Variants in SEC31B observed in about 807,000 individuals in gnomAD.
The protein encoded by SEC31B is SEC31 homolog B, COPII component.
In SEC31B, 113 loss-of-function variants were observed where a neutral mutation model predicts 135.0. The ratio of observed to expected loss-of-function variants is 0.84; its 90% CI spans 0.72 to 0.98. The LOEUF (loss-of-function observed/expected upper bound fraction) is 0.98. Ranked by LOEUF, SEC31B falls within the 50% of genes least tolerant of loss-of-function variation. The pLI is 0.00. For missense variants in SEC31B, 1,296 were observed against 1,421.1 expected, an observed-to-expected ratio of 0.91 and a Z score of 1.42; for synonymous variants, 508 against 549.4, an observed-to-expected ratio of 0.92 and a Z score of 1.05.
At chr10:100,495,249 A>C in intron 19 of SEC31B, 136 bp downstream of exon 19, 1 of 848,730 alleles carries the variant, frequency 1.2e-6, no homozygotes, top group Middle Eastern at 3.4e-4. Context: ...GTTATTTATT[A>C]TAAAAAGAAC....
chr10:100,489,808 C>T, intron 21 of SEC31B, 47 bp from the exon 22 acceptor site: 2 of 1,612,538 alleles, frequency 1.2e-6, no homozygotes, highest in South Asian at 2.2e-5. Context: ...GTGAAAAACA[C>T]TGGAAGTTTT....
At chr10:100,517,156 C>A in intron 1 of SEC31B, 159 bp from the exon 2 acceptor site, 1 of 581,374 alleles carries the variant, frequency 1.7e-6, no homozygotes, top group Non-Finnish European at 3.1e-6. Context: ...TTCATTCACC[C>A]AATTACTGAA....
At chr10:100,490,930 T>C in intron 19 of SEC31B, 47 bp from the exon 20 acceptor site, 1 of 1,295,074 alleles carries the variant, frequency 7.7e-7, no homozygotes, top group Non-Finnish European at 1.0e-6. Flanking sequence ...AAGAGAAAGG[T>C]AAATAATAGA....
chr10:100,509,449 A>G lies in SEC31B; in HGVS notation c.266T>C (p.Val89Ala), dbSNP rs3763695. 0.22 allele frequency: 347,588 copies of G among 1,613,696 alleles called. 38,253 individuals carry two copies. The highest frequency in any genetic ancestry group is 0.23 in the South Asian group (20,873 of 91,064). Reference protein sequence around the residue: ...SGLLESSGVIVGGGDNGMLIL... With the variant: ...SGLLESSGVIAGGGDNGMLIL... ...AAGCATGCCATTGTCCCCGCCGCCA[A>G]CAATAACCCCGGAGCTTTCCAGAAG... Residue 89 changes from valine to alanine, a missense_variant, in exon 4 of 26, where the codon GTT becomes GCT. Val to Ala is a moderately conservative substitution (Grantham distance 64). Transcript: ENST00000370345.
At chr10:100,498,838 G>C (rs758259683) in intron 13 of SEC31B, 34 bp from the exon 14 acceptor site, 1 of 1,503,850 alleles carries the variant, frequency 6.6e-7, no homozygotes, top group Non-Finnish European at 9.2e-7. Flanking sequence ...ACTACTTAGG[G>C]ATGAACCCAA....
At chr10:100,499,768 T>C (rs916382464) in intron 11 of SEC31B, among the ~76,000 whole-genome samples, 170 bp from the exon 12 acceptor site, 11 of 152,242 alleles carry the variant, frequency 7.2e-5, no homozygotes, top group African/African-American at 2.7e-4. Flanking sequence ...TCTGACTTAC[T>C]GATGGGCTAT....
intron 3 of SEC31B, among the ~76,000 whole-genome samples, chr10:100,511,371 C>T (rs1401833501): frequency 6.6e-6 from 1 of 152,216 alleles, no homozygotes; most frequent in East Asian, 1.9e-4. Context: ...GTGTTCCCAT[C>T]TCTACTCTGC....
chr10:100,488,427 C>T (rs1223255143), intron 24 of SEC31B, among the ~76,000 whole-genome samples: 2 of 147,380 alleles, frequency 1.4e-5, no homozygotes, highest in Non-Finnish European at 3.0e-5. Context: ...CCACTGCACT[C>T]CAGCCTGGGC....
rs759773000 is a variant in SEC31B at position 100,489,692 on chromosome 10, G to A, written c.3024+11C>T. 6.2e-7 allele frequency: 1 copy of A among 1,614,206 alleles called. No individual in the cohort carries two copies. The highest frequency in any genetic ancestry group is 2.2e-5 in the East Asian group (1 of 44,884). On this transcript the variant is annotated intron_variant, in intron 22 of 25. Coordinates refer to ENST00000370345, the MANE Select transcript of SEC31B (RefSeq NM_015490.4). ...ATGTGCGAGGGAGTGGGTAGGGAAA[G>A]ATGCATTGACCTTGTTCCTCTGGAG...
intron 11 of SEC31B, chr10:100,501,528 T>C (rs1046777916): frequency 6.6e-6 from 1 of 152,286 alleles, no homozygotes; most frequent in Admixed American, 6.5e-5. Flanking sequence ...AGCTCTACTA[T>C]GCCTAAAGCT....
chr10:100,490,123 C>A lies in SEC31B; in HGVS notation c.2850G>T (p.Met950Ile). The A allele has an allele frequency of 6.3e-7, 1 of 1,589,126 alleles. No homozygotes were observed. Among genetic ancestry groups the A allele is most frequent in the South Asian group, 1.2e-5 (1 of 86,064 alleles). The part of the protein sequence containing the change: ...LPLRPLGPGR[M>I]VSHTPAPPAS... Reference sequence around the variant, plus strand: ...CAGGAGGGGCTGGGGTGTGGGAGACCATGCGGCCGGGACCTAGTGGTCTCA... The same window carrying A: ...CAGGAGGGGCTGGGGTGTGGGAGACAATGCGGCCGGGACCTAGTGGTCTCA... The change falls in exon 21 of 26, where the codon ATG becomes ATT. Residue 950 changes from methionine to isoleucine, a missense_variant. Coordinates refer to ENST00000370345, the MANE Select transcript of SEC31B (RefSeq NM_015490.4).
chr10:100,495,565 A>G lies in SEC31B; in HGVS notation c.2311-19T>C. The G allele has an allele frequency of 1.2e-6, 2 of 1,606,116 alleles. No homozygotes were observed. The highest frequency in any genetic ancestry group is 1.7e-6 in the Non-Finnish European group (2 of 1,176,560). The stretch of plus-strand genomic sequence containing the variant: ...CTGGTGGCTATAAGTTTTAATGAGG[A>G]AGAGCTGTGTCAAGAAATTAAAACA... On this transcript the variant is annotated intron_variant, in intron 18 of 25. Coordinates refer to ENST00000370345, the MANE Select transcript of SEC31B (RefSeq NM_015490.4).
intron 11 of SEC31B, chr10:100,500,151 T>C: frequency 2.2e-6 from 1 of 456,638 alleles, no homozygotes; most frequent in Non-Finnish European, 4.4e-6. Context: ...CTGAGCTGTC[T>C]CTGGCGGGCT....
intron 4 of SEC31B, 100 bp from the exon 5 acceptor site, chr10:100,509,202 C>T: frequency 6.7e-7 from 1 of 1,494,434 alleles, no homozygotes; most frequent in East Asian, 2.3e-5. Flanking sequence ...AAAGCCTCCC[C>T]TGAAACAGCC....
intron 2 of SEC31B, 122 bp downstream of exon 2, chr10:100,516,752 G>A (rs1851858052): frequency 2.8e-6 from 2 of 706,002 alleles, no homozygotes; most frequent in Non-Finnish European, 4.7e-6. Flanking sequence ...CTTATGCTGT[G>A]AGCCACCCTA....
At chr10:100,492,478 T>A (rs1289214481) in intron 19 of SEC31B, among the ~76,000 whole-genome samples, 1 of 152,200 alleles carries the variant, frequency 6.6e-6, no homozygotes, top group African/African-American at 2.4e-5. Context: ...CACCTCAGTT[T>A]CCCAAAGTGC....
chr10:100,509,299 T>C lies in SEC31B; in HGVS notation c.399+17A>G. 6.2e-7 allele frequency: 1 copy of C among 1,610,008 alleles called. No homozygotes were observed. The highest frequency in any genetic ancestry group is 8.5e-7 in the Non-Finnish European group (1 of 1,177,568). ...GCTCCCTGGCTTGGCCATGTTTGAC[T>C]AACTGAAATGTAGTACCTGGAAAGG... is the stretch of plus-strand genomic sequence containing the variant. On this transcript the variant is annotated intron_variant, in intron 4 of 25. Transcript: ENST00000370345.
In SEC31B at chr10:100,497,510, T is replaced by C. The variant is rs374352136; in HGVS notation, c.1990+157A>G. ...CCCCTCTGAAAATAGGGGCATGCACTGTGGTCCCTGCCTCCTGGCTGAGCC... is the reference window on the plus strand; with the variant it reads ...CCCCTCTGAAAATAGGGGCATGCACCGTGGTCCCTGCCTCCTGGCTGAGCC... On this transcript the variant is annotated intron_variant, in intron 16 of 25. Transcript: ENST00000370345. 19 of 1,512,280 alleles carry C rather than the reference T, an allele frequency of 1.3e-5. No homozygotes were observed. The African/African-American group carries it at 2.1e-4, about 17-fold the overall frequency. 93.7% of individuals were successfully genotyped at this position (1,512,280 alleles called of 1,614,324 possible).
intron 19 of SEC31B, among the ~76,000 whole-genome samples, chr10:100,492,032 TA>T (rs1206147555): frequency 6.6e-6 from 1 of 152,240 alleles, no homozygotes; most frequent in Non-Finnish European, 1.5e-5. Flanking sequence ...TTCTGTTCTT[TA>T]TAAATTTCCC....
Sources: gnomAD v4.1 joint callset for allele counts (sites outside exome capture counted in the v4.1 genomes callset) on GRCh38, gnomAD v4.1.1 for gene constraint, MANE v1.5 for transcripts, NCBI Gene and HGNC (gene_info 2026-07-23, HGNC 2026-07-21) for gene names.